Variants in VDAC2 observed in about 807,000 individuals in gnomAD.
VDAC2 encodes voltage dependent anion channel 2.
A neutral mutation model predicts 36.6 loss-of-function variants in VDAC2; 6 were observed. The ratio of observed to expected loss-of-function variants is 0.16; its 90% CI spans 0.09 to 0.32. The LOEUF is 0.32. Ranked by LOEUF, VDAC2 falls within the 10% of genes least tolerant of loss-of-function variation. The pLI, the probability that VDAC2 is intolerant of heterozygous loss-of-function variation, is 1.00. For missense variants in VDAC2, 247 were observed against 346.0 expected, an observed-to-expected ratio of 0.71 and a Z score of 2.27; for synonymous variants, 109 against 123.8, an observed-to-expected ratio of 0.88 and a Z score of 0.79.
At chr10:75,220,115 C>G (rs113401565) in intron 6 of VDAC2, among the ~76,000 whole-genome samples, 1 of 149,302 alleles carries the variant, frequency 6.7e-6, no homozygotes, top group Non-Finnish European at 1.5e-5. Flanking sequence ...TGTGAGCCAC[C>G]GCTCGCAGCC....
At chr10:75,227,889 T>C (rs1842003667) in intron 8 of VDAC2, among the ~76,000 whole-genome samples, 1 of 149,978 alleles carries the variant, frequency 6.7e-6, no homozygotes, top group Non-Finnish European at 1.5e-5. Context: ...GGAATTTCTT[T>C]CTTTCTTTCT....
At chr10:75,221,548 G>A (rs565535944) in intron 7 of VDAC2, among the ~76,000 whole-genome samples, 2 of 152,116 alleles carry the variant, frequency 1.3e-5, no homozygotes, top group Non-Finnish European at 2.9e-5. Context: ...GGCAAGGCTG[G>A]TCTGGAACTC....
intron 4 of VDAC2, 30 bp from the exon 5 acceptor site, chr10:75,219,033 T>C (rs370481498): frequency 8.4e-5 from 133 of 1,592,656 alleles, no homozygotes; most frequent in Non-Finnish European, 1.1e-4. Flanking sequence ...CTTATGAGAA[T>C]GTTCATGAAG....
intron 8 of VDAC2, among the ~76,000 whole-genome samples, chr10:75,228,823 C>A (rs746447717): frequency 1.3e-5 from 2 of 152,188 alleles, no homozygotes; most frequent in Non-Finnish European, 2.9e-5. Flanking sequence ...CAACCTAGGC[C>A]CTGGAAATGA....
intron 4 of VDAC2, among the ~76,000 whole-genome samples, chr10:75,216,610 G>C (rs1841612834): frequency 1.3e-5 from 2 of 152,130 alleles, no homozygotes; most frequent in South Asian, 4.1e-4. Context: ...CAAAATTTCT[G>C]GTGGTAAAGG....
intron 4 of VDAC2, among the ~76,000 whole-genome samples, chr10:75,218,711 G>A (rs1260082542): frequency 6.6e-6 from 1 of 151,700 alleles, no homozygotes; most frequent in Non-Finnish European, 1.5e-5. Flanking sequence ...GCAGTATGCC[G>A]AGATCACGCC....
chr10:75,228,441 C>G (rs1842020901), intron 8 of VDAC2, among the ~76,000 whole-genome samples: 1 of 151,666 alleles, frequency 6.6e-6, no homozygotes, highest in African/African-American at 2.4e-5. Flanking sequence ...TTTGTACAGA[C>G]AGACAGGGGT....
Position 75,229,638 on chromosome 10 carries a change from T to C in VDAC2, c.736-6T>C. ...TTCTTACAGTTGTTTTTGTATTTTA[T>C]TTTAGGCAAAAGTCAACAACTCTAG... On this transcript the variant is annotated splice_polypyrimidine_tract_variant and splice_region_variant and intron_variant, in intron 8 of 9. Transcript: ENST00000332211. The C allele has an allele frequency of 6.3e-7, 1 of 1,599,092 alleles. No homozygotes were observed. The highest frequency in any genetic ancestry group is 8.5e-7 in the Non-Finnish European group (1 of 1,174,846).
In VDAC2 at chr10:75,214,651, A is replaced by G. The variant is rs956125160; in HGVS notation, c.150+581A>G. On this transcript the variant is annotated intron_variant, in intron 4 of 9. Coordinates refer to ENST00000332211, the MANE Select transcript of VDAC2 (RefSeq NM_001391963.1). ...GTGATTCTCTTGCCTCAGCCTCTCTAGTAGCTGGAATTACAGGTGCCTGCC... is the reference window on the plus strand; with the variant it reads ...GTGATTCTCTTGCCTCAGCCTCTCTGGTAGCTGGAATTACAGGTGCCTGCC... 3.3e-5 allele frequency among the ~76,000 whole-genome samples: 5 copies of G among 151,966 alleles called. No individual in the cohort carries two copies. In the East Asian group the frequency reaches 9.6e-4, roughly 29 times the overall value.
At chr10:75,220,350 C>T (rs1316668381) in intron 6 of VDAC2, among the ~76,000 whole-genome samples, 1 of 152,138 alleles carries the variant, frequency 6.6e-6, no homozygotes, top group East Asian at 1.9e-4. Flanking sequence ...CTCAGGTGAT[C>T]CGCCCGCCTC....
intron 4 of VDAC2, among the ~76,000 whole-genome samples, chr10:75,216,021 T>TAG (rs1841593096): frequency 2.6e-5 from 4 of 152,266 alleles, no homozygotes; most frequent in African/African-American, 9.6e-5. Context: ...TTTAAAAGCC[T>TAG]AGGCCTGTTG....
chr10:75,215,698 T>C (rs1343909556), intron 4 of VDAC2, among the ~76,000 whole-genome samples: 1 of 150,062 alleles, frequency 6.7e-6, no homozygotes, highest in Non-Finnish European at 1.5e-5. Flanking sequence ...ATTTATTTAA[T>C]CGTATTGTAG....
chr10:75,217,114 G>A, intron 4 of VDAC2, among the ~76,000 whole-genome samples: 1 of 152,042 alleles, frequency 6.6e-6, no homozygotes, highest in South Asian at 2.1e-4. Context: ...AAAATTAGCT[G>A]TGCTTGTTGG....
Position 75,214,077 on chromosome 10 carries a change from G to A in VDAC2, c.150+7G>A. 6.2e-7 allele frequency: 1 copy of A among 1,612,532 alleles called. No individual in the cohort carries two copies. The highest frequency in any genetic ancestry group is 8.5e-7 in the Non-Finnish European group (1 of 1,179,066). On this transcript the variant is annotated splice_region_variant and intron_variant, in intron 4 of 9. Coordinates refer to ENST00000332211, the MANE Select transcript of VDAC2 (RefSeq NM_001391963.1). ...AAAGTCTTGCAGTGGCGTGGTGAGT[G>A]TTACTGTTGAATAAGTTCTATTGAA...
In VDAC2 at chr10:75,219,130, A is replaced by T; in HGVS notation, c.218A>T (p.Tyr73Phe). Residue 73 changes from tyrosine (Y) to phenylalanine (F), a missense_variant, in exon 5 of 10, where the codon TAC becomes TTC. By Grantham distance (22) the Tyr-to-Phe change is conservative (BLOSUM62 3). This residue lies in a region of VDAC2 where 12 missense variants were observed against 35.1 expected (regional missense o/e 0.34). Transcript: ENST00000332211. ...GTTACTGGGACCTTGGAGACCAAATACAAGTGGTGTGAGTATGGTCTGACT... is the reference window on the plus strand; with the variant it reads ...GTTACTGGGACCTTGGAGACCAAATTCAAGTGGTGTGAGTATGGTCTGACT... ...GKVTGTLETK[Y>F]KWCEYGLTFT... 6.2e-7 allele frequency: 1 copy of T among 1,613,442 alleles called. No homozygotes were observed.
intron 7 of VDAC2, 105 bp from the exon 8 acceptor site, chr10:75,222,147 C>T: frequency 2.4e-6 from 3 of 1,265,050 alleles, no homozygotes; most frequent in Admixed American, 2.6e-5. Context: ...TAAAGACCCA[C>T]TTGAGCTGTG....
At chr10:75,218,995 C>A in intron 4 of VDAC2, 68 bp from the exon 5 acceptor site, 1 of 1,424,132 alleles carries the variant, frequency 7.0e-7, no homozygotes, top group Non-Finnish European at 9.5e-7. Flanking sequence ...TGTGTGTGTG[C>A]GTGTGTAAGG....
intron 8 of VDAC2, chr10:75,229,287 C>A (rs527441781): frequency 7.9e-4 from 132 of 166,728 alleles, no homozygotes; most frequent in African/African-American, 3.0e-3. Flanking sequence ...CTGTGTGTCA[C>A]CTCTAGTGAG....
chr10:75,227,577 ATTTTT>A (rs35378957), intron 8 of VDAC2, among the ~76,000 whole-genome samples: 113 of 99,940 alleles, frequency 1.1e-3, no homozygotes, highest in African/African-American at 4.6e-3. Flanking sequence ...AATAATAGGA[ATTTTT>A]TTTTTTTTTT....
Sources: allele counts gnomAD v4.1 joint callset (sites outside exome capture counted in the v4.1 genomes callset), GRCh38; gene constraint gnomAD v4.1.1; regional missense constraint gnomAD v4.1.1; transcripts MANE v1.5; gene names NCBI Gene and HGNC (gene_info 2026-07-23, HGNC 2026-07-21).